Variants in TTLL5 observed in about 807,000 individuals in gnomAD.
TTLL5 encodes tubulin tyrosine ligase like 5.
TTLL5 carries 132 observed loss-of-function variants against 168.4 expected under a neutral mutation model. That is an observed-to-expected ratio of 0.78 (90% CI 0.68 to 0.91). TTLL5 has a LOEUF of 0.91. Among genes scored for constraint, TTLL5 ranks in the 40% least tolerant of loss-of-function variants. The pLI, the probability that TTLL5 is intolerant of heterozygous loss-of-function variation, is 0.00. For synonymous variants in TTLL5, 546 were observed against 558.6 expected (o/e 0.98, Z 0.32); for missense variants, 1,545 against 1,581.5 (o/e 0.98, Z 0.39).
At chr14:75,776,705 T>C in intron 22 of TTLL5, 42 bp from the exon 23 acceptor site, 1 of 1,489,794 alleles carries the variant, frequency 6.7e-7, no homozygotes, top group Non-Finnish European at 9.3e-7. Flanking sequence ...TAGGAGTCAG[T>C]TTTATCTTGT....
chr14:75,766,023 A>T (rs771144322), intron 19 of TTLL5, 39 bp from the exon 20 acceptor site: 1 of 1,556,106 alleles, frequency 6.4e-7, no homozygotes, highest in Non-Finnish European at 8.7e-7. Context: ...GGAACATTTA[A>T]TCCTTTTTTC....
At chr14:75,860,131 C>T (rs1897325651) in intron 28 of TTLL5, among the ~76,000 whole-genome samples, 3 of 152,150 alleles carry the variant, frequency 2.0e-5, no homozygotes, top group Non-Finnish European at 4.4e-5. Flanking sequence ...TGTTCCAGTC[C>T]GTTCAATATG....
intron 31 of TTLL5, among the ~76,000 whole-genome samples, chr14:75,907,645 GA>G (rs1207048170): frequency 1.3e-5 from 2 of 152,172 alleles, no homozygotes; most frequent in Non-Finnish European, 2.9e-5. Flanking sequence ...ACTCTTCCCA[GA>G]AAGGAATGAG....
At chr14:75,750,654 A>G (rs1460320630) in intron 17 of TTLL5, among the ~76,000 whole-genome samples, 1 of 152,136 alleles carries the variant, frequency 6.6e-6, no homozygotes, top group African/African-American at 2.4e-5. Flanking sequence ...TTGGGGAAGC[A>G]AAAGTTATAT....
At chr14:75,926,696 T>G (rs1201698211) in intron 31 of TTLL5, among the ~76,000 whole-genome samples, 2 of 152,178 alleles carry the variant, frequency 1.3e-5, no homozygotes, top group African/African-American at 4.8e-5. Context: ...ATTGGAATCC[T>G]TATACACTGC....
intron 21 of TTLL5, among the ~76,000 whole-genome samples, chr14:75,773,195 G>T (rs1016708461): frequency 6.6e-6 from 1 of 152,188 alleles, no homozygotes; most frequent in Non-Finnish European, 1.5e-5. Context: ...AAAACCTTGT[G>T]TGTTGTGAAT....
chr14:75,816,364 G>A (rs766354282), intron 27 of TTLL5, among the ~76,000 whole-genome samples: 6 of 152,198 alleles, frequency 3.9e-5, no homozygotes, highest in African/African-American at 7.2e-5. Flanking sequence ...ATGTTGCAGT[G>A]AGCCAAGATT....
intron 28 of TTLL5, chr14:75,835,450 G>C (rs145361288): frequency 1.4e-4 from 22 of 152,282 alleles, no homozygotes; most frequent in Non-Finnish European, 2.5e-4. Context: ...TCTTCAGACT[G>C]TAGTAAACAC....
intron 28 of TTLL5, among the ~76,000 whole-genome samples, chr14:75,827,081 T>C (rs1895207767): frequency 6.6e-6 from 1 of 152,218 alleles, no homozygotes; most frequent in African/African-American, 2.4e-5. Flanking sequence ...ACTATAGAAC[T>C]ATATATCTGC....
At chr14:75,862,822 T>G (rs2030137539) in intron 28 of TTLL5, among the ~76,000 whole-genome samples, 1 of 152,100 alleles carries the variant, frequency 6.6e-6, no homozygotes, top group Non-Finnish European at 1.5e-5. Context: ...GGCACACACC[T>G]AGAATCCCAG....
intron 31 of TTLL5, among the ~76,000 whole-genome samples, chr14:75,931,459 C>T (rs577014318): frequency 2.0e-5 from 3 of 152,296 alleles, no homozygotes; most frequent in African/African-American, 7.2e-5. Flanking sequence ...AGTCCAATTT[C>T]ATTCATATCC....
intron 21 of TTLL5, among the ~76,000 whole-genome samples, chr14:75,774,147 C>A (rs1418035329): frequency 6.6e-6 from 1 of 151,920 alleles, no homozygotes; most frequent in Admixed American, 6.6e-5. Flanking sequence ...AACAGAACGT[C>A]CCCAGATTTA....
At position 75,734,013 on chromosome 14, in the gene TTLL5, T is replaced by C; in HGVS notation, c.1149T>C (p.Ile383=). The change falls in exon 14 of 32, where the codon ATT becomes ATC. Residue 383 remains isoleucine (I), a synonymous_variant. Transcript: ENST00000298832. ...LACDAPLDLK[I]KASMISDMFT... is the part of the protein sequence containing the mutation. ...GTGATGCGCCTCTGGACCTAAAGAT[T>C]AAAGCCAGTATGATTTCAGATATGT... 6.2e-7 allele frequency: 1 copy of C among 1,614,064 alleles called. No individual in the cohort carries two copies. The highest frequency in any genetic ancestry group is 8.5e-7 in the Non-Finnish European group (1 of 1,179,954).
At chr14:75,708,738 T>C (rs8007959) in intron 9 of TTLL5, among the ~76,000 whole-genome samples, 107,589 of 152,080 alleles carry the variant, frequency 0.71, 39,415 homozygotes, top group Non-Finnish European at 0.81. Flanking sequence ...TAATTGTTTT[T>C]GTAAACCCTT....
chr14:75,801,866 G>A (rs1566610394), intron 27 of TTLL5, among the ~76,000 whole-genome samples: 1 of 152,174 alleles, frequency 6.6e-6, no homozygotes, highest in Non-Finnish European at 1.5e-5. Context: ...GTGATACAAT[G>A]TCTGTAGCTT....
intron 12 of TTLL5, among the ~76,000 whole-genome samples, chr14:75,730,861 A>G (rs1888487149): frequency 6.6e-6 from 1 of 152,078 alleles, no homozygotes; most frequent in South Asian, 2.1e-4. Flanking sequence ...CTGGGATTAC[A>G]GGTGCCTGCC....
In TTLL5 at chr14:75,779,639, C is replaced by G; in HGVS notation, c.2452C>G (p.Leu818Val). The G allele has an allele frequency of 1.2e-6, 2 of 1,613,736 alleles. No individual in the cohort carries two copies. The highest frequency in any genetic ancestry group is 1.7e-6 in the Non-Finnish European group (2 of 1,179,860). ...AAAGAACAAGTCTGCTAGTGTCTTCCTGGGGACTCACTCTAAAATTTCTAA... is the reference window on the plus strand; with the variant it reads ...AAAGAACAAGTCTGCTAGTGTCTTCGTGGGGACTCACTCTAAAATTTCTAA... Reference protein sequence around the residue: ...TQKNKSASVFLGTHSKISKNN... With the variant: ...TQKNKSASVFVGTHSKISKNN... The change falls in exon 24 of 32, where the codon CTG (leucine) becomes GTG (valine). Residue 818 changes from leucine to valine, a missense_variant. By Grantham distance (32) the Leu-to-Val change is conservative. Transcript: ENST00000298832.
At chr14:75,742,211 C>A (rs1343478536) in intron 15 of TTLL5, among the ~76,000 whole-genome samples, 1 of 151,990 alleles carries the variant, frequency 6.6e-6, no homozygotes, top group Non-Finnish European at 1.5e-5. Flanking sequence ...AATAAAGATA[C>A]CTATTTTTAT....
At chr14:75,682,690 A>G (rs1307213914) in intron 4 of TTLL5, among the ~76,000 whole-genome samples, 2 of 151,998 alleles carry the variant, frequency 1.3e-5, no homozygotes, top group Admixed American at 1.3e-4. Context: ...CACTATAGAC[A>G]CTTTGTGACA....
Sources: gnomAD v4.1 joint callset for allele counts (sites outside exome capture counted in the v4.1 genomes callset) on GRCh38, gnomAD v4.1.1 for gene constraint, MANE v1.5 for transcripts, NCBI Gene and HGNC (gene_info 2026-07-23, HGNC 2026-07-21) for gene names.